The following SAR1B variants were observed in gnomAD, a reference collection of about 807,000 sequenced individuals.
SAR1B encodes secretion associated Ras related GTPase 1B.
In SAR1B, 23 loss-of-function variants were observed where a neutral mutation model predicts 26.8. That is an observed-to-expected ratio of 0.86 (90% CI 0.62 to 1.22). SAR1B has a LOEUF of 1.22. SAR1B is among the 50% of genes most tolerant of loss of function. The pLI is 0.00. For missense variants in SAR1B, 196 were observed against 232.8 expected (o/e 0.84, Z 1.03); for synonymous variants, 65 against 80.8 (o/e 0.80, Z 1.05).
At chr5:134,608,975 C>A in intron 5 of SAR1B, 1 of 412,060 alleles carries the variant, frequency 2.4e-6, no homozygotes, top group Non-Finnish European at 4.8e-6. Context: ...ATAGAACCTA[C>A]CTGGACTTTT....
chr5:134,607,194 G>A (rs1023622814), intron 6 of SAR1B, 128 bp from the exon 7 acceptor site: 17 of 750,724 alleles, frequency 2.3e-5, no homozygotes, highest in Middle Eastern at 3.5e-4. Context: ...TGATAAAGTC[G>A]TGGCTGCTTG....
chr5:134,627,778 G>A (rs1362882398), intron 1 of SAR1B, among the ~76,000 whole-genome samples: 4 of 149,454 alleles, frequency 2.7e-5, no homozygotes, highest in African/African-American at 9.9e-5. Flanking sequence ...CAGCCTGGGC[G>A]ACAGAGCGAG....
At chr5:134,612,571 G>C in intron 4 of SAR1B, 120 bp downstream of exon 4, 1 of 984,024 alleles carries the variant, frequency 1.0e-6, no homozygotes, top group Non-Finnish European at 1.4e-6. Flanking sequence ...CTTGAACCCA[G>C]GAGGCAGAGG....
chr5:134,622,611 C>T lies in SAR1B; in HGVS notation c.58+1351G>A, dbSNP rs1050035647. Among the ~76,000 whole-genome samples, 5 of 150,902 alleles carry T rather than the reference C, an allele frequency of 3.3e-5. No individual in the cohort carries two copies. The East Asian group carries it at 8.1e-4, about 24-fold the overall frequency. ...ATTTTTAGTAGAGACGGGGTTTCAC[C>T]GTGTTAGCCAGGATGGTCTTGATCT... On this transcript the variant is annotated intron_variant, in intron 2 of 6. Transcript: ENST00000402673.
At position 134,612,680 on chromosome 5, in the gene SAR1B, A is replaced by AAAAAAAAAAAAAAAAAAAAAAAAAAAT; in HGVS notation, c.244+10_244+11insATTTTTTTTTTTTTTTTTTTTTTTTTT. 1 of 1,043,434 alleles carries AAAAAAAAAAAAAAAAAAAAAAAAAAAT rather than the reference A, an allele frequency of 9.6e-7. No individual in the cohort carries two copies. Among genetic ancestry groups the AAAAAAAAAAAAAAAAAAAAAAAAAAAT allele is most frequent in the Non-Finnish European group, 1.3e-6 (1 of 760,638 alleles). The allele number at this position is 1,043,434 out of a possible 1,614,324, so 64.6% of individuals were successfully genotyped here. A position where few individuals can be genotyped will look rare whatever the true frequency, so the allele number is the denominator to read the frequency against. On this transcript the variant is annotated intron_variant, in intron 4 of 6. Coordinates refer to ENST00000402673, the MANE Select transcript of SAR1B (RefSeq NM_016103.4). ...AAAAAAAAAAAAAAAAAAAAAAAAA[A>AAAAAAAAAAAAAAAAAAAAAAAAAAAT]AGAATCTTACCTTGAACATGTCCAC...
At chr5:134,611,974 G>A (rs1765222473) in intron 4 of SAR1B, among the ~76,000 whole-genome samples, 1 of 152,168 alleles carries the variant, frequency 6.6e-6, no homozygotes, top group South Asian at 2.1e-4. Context: ...ACAAGCCTGG[G>A]CAACATAGTG....
At chr5:134,631,956 T>C (rs777236309) in intron 1 of SAR1B, 2 of 152,194 alleles carry the variant, frequency 1.3e-5, no homozygotes, top group Non-Finnish European at 2.9e-5. Context: ...TCCCAGCACT[T>C]TGGGAGGCCG....
chr5:134,619,327 T>C (rs1192160736), intron 3 of SAR1B, among the ~76,000 whole-genome samples: 9 of 115,790 alleles, frequency 7.8e-5, no homozygotes, highest in Non-Finnish European at 1.3e-4. Flanking sequence ...CAAGACTCCA[T>C]CTCAAAAAAA....
rs780191936 is a variant in SAR1B, at chr5:134,606,032, T to C, written c.*918A>G. The stretch of plus-strand genomic sequence containing the variant: ...TGGGGAAGAGGCACAGATTACCCCA[T>C]TGGGCACCAATAAGACTGGAGCACT... On this transcript the variant is annotated 3_prime_UTR_variant, in exon 7 of 7. Coordinates refer to ENST00000402673, the MANE Select transcript of SAR1B (RefSeq NM_016103.4). 3.9e-5 allele frequency: 6 copies of C among 152,206 alleles called. No homozygotes were observed. Among genetic ancestry groups the C allele is most frequent in the Non-Finnish European group, 5.9e-5 (4 of 68,052 alleles). 9.4% of individuals were successfully genotyped at this position (152,206 alleles called of 1,614,324 possible). A position where few individuals can be genotyped will look rare whatever the true frequency, so the allele number is the denominator to read the frequency against.
At chr5:134,631,449 T>C (rs1257762470) in intron 1 of SAR1B, among the ~76,000 whole-genome samples, 2 of 152,216 alleles carry the variant, frequency 1.3e-5, no homozygotes, top group Admixed American at 6.6e-5. Flanking sequence ...AAATGACAGC[T>C]AGTGCCTTAC....
intron 1 of SAR1B, among the ~76,000 whole-genome samples, chr5:134,626,298 CAAAAAAAAAAA>C (rs35668627): frequency 2.8e-3 from 150 of 53,128 alleles, no homozygotes; most frequent in Middle Eastern, 0.017. Context: ...GACTCTGCCT[CAAAAAAAAAAA>C]AAAAAAAAAA....
At chr5:134,632,398 G>C (rs557436380) in intron 1 of SAR1B, among the ~76,000 whole-genome samples, 1 of 152,272 alleles carries the variant, frequency 6.6e-6, no homozygotes, top group East Asian at 1.9e-4. Flanking sequence ...TCAGCTGTCA[G>C]TGAGACCCGC....
At chr5:134,614,749 T>G (rs1416342505) in intron 3 of SAR1B, 1 of 152,260 alleles carries the variant, frequency 6.6e-6, no homozygotes, top group African/African-American at 2.4e-5. Context: ...CTACATCTCC[T>G]CAACTCAGCA....
intron 1 of SAR1B, among the ~76,000 whole-genome samples, chr5:134,626,330 A>AAAAAAAAAAAAAAAAAGG (rs1765493669): frequency 7.6e-6 from 1 of 130,878 alleles, no homozygotes; most frequent in African/African-American, 2.8e-5. Context: ...AAAAAAAAAA[A>AAAAAAAAAAAAAAAAAGG]TGTGGTTTCT....
At chr5:134,626,897 C>T (rs1296460963) in intron 1 of SAR1B, among the ~76,000 whole-genome samples, 1 of 152,016 alleles carries the variant, frequency 6.6e-6, no homozygotes, top group African/African-American at 2.4e-5. Context: ...TGTGACTATA[C>T]TAAAAACACT....
At chr5:134,619,206 C>T (rs1411586523) in intron 3 of SAR1B, among the ~76,000 whole-genome samples, 1 of 150,862 alleles carries the variant, frequency 6.6e-6, no homozygotes, top group Non-Finnish European at 1.5e-5. Context: ...TAGCACATGC[C>T]TGTAATCTGA....
At chr5:134,621,245 G>A (rs988938742) in intron 2 of SAR1B, among the ~76,000 whole-genome samples, 193 bp from the exon 3 acceptor site, 30 of 152,088 alleles carry the variant, frequency 2.0e-4, no homozygotes, top group African/African-American at 6.0e-4. Context: ...CGAGGTGGGC[G>A]GATCACCTGA....
At chr5:134,615,866 G>T (rs151183208) in intron 3 of SAR1B, among the ~76,000 whole-genome samples, 289 of 152,024 alleles carry the variant, frequency 1.9e-3, no homozygotes, top group Non-Finnish European at 3.1e-3. Context: ...GCCAGGTGCA[G>T]TGGCTCATGC....
chr5:134,624,123 T>C, intron 1 of SAR1B, 86 bp from the exon 2 acceptor site: 1 of 790,178 alleles, frequency 1.3e-6, no homozygotes, highest in Non-Finnish European at 2.3e-6. Flanking sequence ...CAACTCTGAG[T>C]AGATAATCCT....
Sources: allele counts gnomAD v4.1 joint callset (sites outside exome capture counted in the v4.1 genomes callset), GRCh38; gene constraint gnomAD v4.1.1; transcripts MANE v1.5; gene names NCBI Gene and HGNC (gene_info 2026-07-23, HGNC 2026-07-21).